RAB8B: variants seen among roughly 807,000 people sequenced by gnomAD.
RAB8B encodes ras-related protein Rab-8B.
RAB8B carries 11 observed loss-of-function variants against 32.0 expected under a neutral mutation model. The observed-to-expected ratio is 0.34, with a 90% CI of 0.22 to 0.57. The LOEUF is 0.57. Among genes scored for constraint, RAB8B ranks in the 20% least tolerant of loss-of-function variants. RAB8B has a pLI of 0.86. For synonymous variants in RAB8B, 103 were observed against 89.6 expected, an observed-to-expected ratio of 1.15 and a Z score of -0.85; for missense variants, 190 against 258.5, an observed-to-expected ratio of 0.73 and a Z score of 1.82.
chr15:63,194,632 A>G (rs2037586133), intron 1 of RAB8B, among the ~76,000 whole-genome samples: 1 of 152,192 alleles, frequency 6.6e-6, no homozygotes, highest in African/African-American at 2.4e-5. Flanking sequence ...TAATGGGGGT[A>G]TGTTAGTAAT....
intron 1 of RAB8B, among the ~76,000 whole-genome samples, chr15:63,236,029 C>A (rs2037976597): frequency 6.6e-6 from 1 of 152,198 alleles, no homozygotes; most frequent in African/African-American, 2.4e-5. Flanking sequence ...TTTAACCTAA[C>A]CTTTTTTTAT....
At chr15:63,257,814 A>G (rs1381352556) in intron 5 of RAB8B, among the ~76,000 whole-genome samples, 1 of 151,616 alleles carries the variant, frequency 6.6e-6, no homozygotes, top group Non-Finnish European at 1.5e-5. Context: ...TCATCCCAGC[A>G]CTTTGGGAGG....
chr15:63,242,474 T>G (rs2038040360), intron 1 of RAB8B, among the ~76,000 whole-genome samples: 1 of 152,058 alleles, frequency 6.6e-6, no homozygotes, highest in Admixed American at 6.5e-5. Context: ...GTCAGGAGAT[T>G]GAGACCACCC....
intron 1 of RAB8B, among the ~76,000 whole-genome samples, chr15:63,198,459 G>C (rs1385665335): frequency 6.6e-6 from 1 of 151,978 alleles, no homozygotes; most frequent in East Asian, 1.9e-4. Context: ...GAGAAAGCCT[G>C]GATAATGGTG....
At position 63,262,718 on chromosome 15, in the gene RAB8B, A is replaced by C; in HGVS notation, c.507A>C (p.Ile169=). ...CATTTTTTACACTTGCACGAGATATAATGACAAAACTCAACAGAAAAATGG... is the reference window on the plus strand; with the variant it reads ...CATTTTTTACACTTGCACGAGATATCATGACAAAACTCAACAGAAAAATGG... ...EEAFFTLARD[I]MTKLNRKMND... is the part of the protein sequence containing the mutation. Residue 169 remains isoleucine, a synonymous_variant, in exon 7 of 8, where the codon ATA becomes ATC. Coordinates refer to ENST00000321437, the MANE Select transcript of RAB8B (RefSeq NM_016530.3). The C allele has an allele frequency of 6.9e-7, 1 of 1,457,362 alleles. No individual in the cohort carries two copies. The highest frequency in any genetic ancestry group is 9.1e-7 in the Non-Finnish European group (1 of 1,100,318). 90.3% of individuals were successfully genotyped at this position (1,457,362 alleles called of 1,614,324 possible). A position where few individuals can be genotyped will look rare whatever the true frequency, so the allele number is the denominator to read the frequency against.
intron 1 of RAB8B, among the ~76,000 whole-genome samples, chr15:63,214,687 G>T (rs1297011160): frequency 6.6e-6 from 1 of 152,106 alleles, no homozygotes; most frequent in Non-Finnish European, 1.5e-5. Context: ...GATTTGACCA[G>T]AGTGGGTTCT....
chr15:63,224,505 T>C (rs1008543777), intron 1 of RAB8B, among the ~76,000 whole-genome samples: 2 of 152,214 alleles, frequency 1.3e-5, no homozygotes, highest in Non-Finnish European at 2.9e-5. Context: ...CCCCATCTCC[T>C]TAACATCTCT....
In RAB8B at chr15:63,256,519, T is replaced by C. The variant is rs771675748; in HGVS notation, c.339T>C (p.Asp113=). The part of the protein sequence containing the change: ...IRNIEEHASS[D]VERMILGNKC... Reference sequence around the variant, plus strand: ...TCTCCCTGCAGCATGCCTCTTCCGATGTCGAAAGAATGATCCTGGGTAACA... The same window carrying C: ...TCTCCCTGCAGCATGCCTCTTCCGACGTCGAAAGAATGATCCTGGGTAACA... Residue 113 remains aspartate, a synonymous_variant, in exon 5 of 8, where the codon GAT becomes GAC. Transcript: ENST00000321437. 2.1e-5 allele frequency: 34 copies of C among 1,601,098 alleles called. No individual in the cohort carries two copies. The highest frequency in any genetic ancestry group is 2.7e-5 in the Non-Finnish European group (32 of 1,176,144).
At position 63,263,660 on chromosome 15, in the gene RAB8B, T is replaced by C. The variant is rs1364164004; in HGVS notation, c.*41T>C. The C allele has an allele frequency of 6.7e-7, 1 of 1,482,816 alleles. No homozygotes were observed. Among genetic ancestry groups the C allele is most frequent in the Non-Finnish European group, 9.4e-7 (1 of 1,062,780 alleles). The allele number at this position is 1,482,816 out of a possible 1,614,324, so 91.9% of individuals were successfully genotyped here. Reference sequence around the variant, plus strand: ...AGACTGCAGCACACCTAGAGGGCCCTTTCCTGCTTCTCTGAAAGCACAGGT... The same window carrying C: ...AGACTGCAGCACACCTAGAGGGCCCCTTCCTGCTTCTCTGAAAGCACAGGT... On this transcript the variant is annotated 3_prime_UTR_variant, in exon 8 of 8. Coordinates refer to ENST00000321437, the MANE Select transcript of RAB8B (RefSeq NM_016530.3).
intron 6 of RAB8B, among the ~76,000 whole-genome samples, chr15:63,260,639 C>G (rs747741566): frequency 4.0e-5 from 6 of 151,280 alleles, no homozygotes; most frequent in Non-Finnish European, 8.8e-5. Context: ...ACCTAGGTAA[C>G]AAACCTGCAT....
chr15:63,259,793 A>G lies in RAB8B; in HGVS notation c.480+101A>G. 2 of 1,061,592 alleles carry G rather than the reference A, an allele frequency of 1.9e-6. No individual in the cohort carries two copies. Among genetic ancestry groups the G allele is most frequent in the Non-Finnish European group, 2.8e-6 (2 of 712,738 alleles). 65.8% of individuals were successfully genotyped at this position (1,061,592 alleles called of 1,614,324 possible). A position where few individuals can be genotyped will look rare whatever the true frequency, so the allele number is the denominator to read the frequency against. ...GCTTTGGTATTTTCTGACCTAATGA[A>G]TGCCTTTTGTTGACCCAACTCTACT... is the stretch of plus-strand genomic sequence containing the variant. On this transcript the variant is annotated intron_variant, in intron 6 of 7. Coordinates refer to ENST00000321437, the MANE Select transcript of RAB8B (RefSeq NM_016530.3). The surrounding 1 kb of genome is among the most constrained non-coding windows in gnomAD (Gnocchi z 4.4).
At chr15:63,215,287 C>T (rs2037783578) in intron 1 of RAB8B, among the ~76,000 whole-genome samples, 2 of 152,132 alleles carry the variant, frequency 1.3e-5, no homozygotes, top group Admixed American at 1.3e-4. Context: ...TTTTAAAATT[C>T]ATTTGTATAC....
chr15:63,262,613 A>G, intron 6 of RAB8B, 79 bp from the exon 7 acceptor site: 1 of 404,526 alleles, frequency 2.5e-6, no homozygotes, highest in African/African-American at 2.8e-5. Flanking sequence ...GGCGGGGGGA[A>G]TATATATATG....
At chr15:63,256,647 C>T in intron 5 of RAB8B, 53 bp downstream of exon 5, 1 of 1,259,326 alleles carries the variant, frequency 7.9e-7, no homozygotes, top group Non-Finnish European at 1.1e-6. Flanking sequence ...TTAAGCATTT[C>T]TTTTCTTCAT....
intron 3 of RAB8B, among the ~76,000 whole-genome samples, chr15:63,252,789 C>G (rs761177430): frequency 6.7e-6 from 1 of 148,474 alleles, no homozygotes; most frequent in Admixed American, 6.7e-5. Flanking sequence ...ACTCTTGTTG[C>G]CCAGGCTGGA....
At position 63,221,376 on chromosome 15, in the gene RAB8B, G is replaced by C. The variant is rs555680866; in HGVS notation, c.125-23380G>C. On this transcript the variant is annotated intron_variant, in intron 1 of 7. Coordinates refer to ENST00000321437, the MANE Select transcript of RAB8B (RefSeq NM_016530.3). ...AATAACTAATGAAGCTATACTGTATGTATTATGATGGAAGCTAGTACTGTG... is the reference window on the plus strand; with the variant it reads ...AATAACTAATGAAGCTATACTGTATCTATTATGATGGAAGCTAGTACTGTG... Among the ~76,000 whole-genome samples, 6 of 152,296 alleles carry C rather than the reference G, an allele frequency of 3.9e-5. No individual in the cohort carries two copies. In the East Asian group the frequency reaches 1.2e-3, roughly 29 times the overall value.
intron 1 of RAB8B, among the ~76,000 whole-genome samples, chr15:63,213,267 G>A (rs899050294): frequency 6.6e-6 from 1 of 152,144 alleles, no homozygotes; most frequent in African/African-American, 2.4e-5. Context: ...AAGGACAAAT[G>A]TCTTCTAGGT....
intron 1 of RAB8B, among the ~76,000 whole-genome samples, chr15:63,232,246 C>G (rs868478138): frequency 6.6e-6 from 1 of 152,086 alleles, no homozygotes; most frequent in African/African-American, 2.4e-5. Flanking sequence ...TTATTTTGCT[C>G]ATTTATTTCC....
chr15:63,200,989 G>A (rs1397143153), intron 1 of RAB8B, among the ~76,000 whole-genome samples: 4 of 151,952 alleles, frequency 2.6e-5, no homozygotes, highest in Non-Finnish European at 1.5e-5. Flanking sequence ...TTAGCCTTTT[G>A]CTTTGGGGTT....
Sources: allele counts gnomAD v4.1 joint callset (sites outside exome capture counted in the v4.1 genomes callset), GRCh38; gene constraint gnomAD v4.1.1; non-coding constraint Gnocchi (gnomAD v3.1); transcripts MANE v1.5; gene names NCBI Gene and HGNC (gene_info 2026-07-23, HGNC 2026-07-21).